The following ADGB variants were observed in gnomAD, a reference collection of about 807,000 sequenced individuals.
ADGB encodes androglobin, also known as calpain-7-like protein.
ADGB carries 172 observed loss-of-function variants against 210.5 expected under a neutral mutation model. That is an observed-to-expected ratio of 0.82 (90% CI 0.72 to 0.93). ADGB has a LOEUF of 0.93. ADGB is among the 40% of genes least tolerant of loss of function. ADGB has a pLI of 0.00. For synonymous variants in ADGB, 658 were observed against 662.7 expected (o/e 0.99, Z 0.11); for missense variants, 2,025 against 1,964.8 (o/e 1.03, Z -0.58).
At chr6:146,608,595 A>G (rs1410930226) in intron 1 of ADGB, among the ~76,000 whole-genome samples, 1 of 152,164 alleles carries the variant, frequency 6.6e-6, no homozygotes, top group Admixed American at 6.6e-5. Flanking sequence ...TTAGTTTCAA[A>G]GAATTTCTTG....
intron 9 of ADGB, among the ~76,000 whole-genome samples, chr6:146,681,253 TAA>T (rs1418778492): frequency 6.6e-6 from 1 of 152,026 alleles, no homozygotes; most frequent in Admixed American, 6.6e-5. Context: ...TCTGGTCGTT[TAA>T]AACTGTGTAA....
intron 25 of ADGB, among the ~76,000 whole-genome samples, chr6:146,741,689 A>T (rs1777166020): frequency 6.6e-6 from 1 of 152,164 alleles, no homozygotes; most frequent in South Asian, 2.1e-4. Context: ...TTACATAGCC[A>T]CCAACCATCA....
intron 18 of ADGB, chr6:146,724,643 T>C (rs1776868239): frequency 6.2e-6 from 1 of 160,492 alleles, no homozygotes; most frequent in East Asian, 1.7e-4. Flanking sequence ...ACACATAACA[T>C]TTATAATACT....
At chr6:146,618,528 T>A (rs940917276) in intron 1 of ADGB, among the ~76,000 whole-genome samples, 1 of 151,990 alleles carries the variant, frequency 6.6e-6, no homozygotes, top group African/African-American at 2.4e-5. Flanking sequence ...GAACTGCTTT[T>A]GTCATATCCT....
In ADGB at chr6:146,769,119, A is replaced by G; in HGVS notation, c.3850A>G (p.Ser1284Gly). Residue 1284 changes from serine to glycine, a missense_variant, in exon 29 of 36, where the codon AGT (serine) becomes GGT (glycine). Ser to Gly is a moderately conservative substitution (Grantham distance 56, BLOSUM62 0). Transcript: ENST00000397944. Reference protein sequence around the residue: ...FVQALKDLKKSNTKAYGERHE... With the variant: ...FVQALKDLKKGNTKAYGERHE... ...TCAAGCACTGAAAGACTTAAAGAAA[A>G]GTAATACCAAAGGTATGTCACCCTA... The G allele has an allele frequency of 1.3e-6, 2 of 1,516,354 alleles. No homozygotes were observed. The highest frequency in any genetic ancestry group is 1.8e-6 in the Non-Finnish European group (2 of 1,121,290). 93.9% of individuals were successfully genotyped at this position (1,516,354 alleles called of 1,614,324 possible). A position where few individuals can be genotyped will look rare whatever the true frequency, so the allele number is the denominator to read the frequency against.
chr6:146,809,131 G>C (rs1778260338), intron 35 of ADGB, among the ~76,000 whole-genome samples: 1 of 152,194 alleles, frequency 6.6e-6, no homozygotes, highest in Non-Finnish European at 1.5e-5. Flanking sequence ...GAGCCTAGGA[G>C]GGCTAGAAGC....
intron 27 of ADGB, among the ~76,000 whole-genome samples, chr6:146,754,747 C>T (rs1242544198): frequency 1.3e-5 from 2 of 151,740 alleles, no homozygotes; most frequent in African/African-American, 4.8e-5. Flanking sequence ...GATATATTTT[C>T]TACTTTGAGG....
intron 33 of ADGB, among the ~76,000 whole-genome samples, chr6:146,791,456 AC>A (rs1345435342): frequency 2.0e-5 from 3 of 151,742 alleles, no homozygotes; most frequent in Non-Finnish European, 4.4e-5. Flanking sequence ...TGATCTGCCC[AC>A]CTCAGTCTCC....
chr6:146,760,239 A>C (rs1279802586), intron 27 of ADGB, among the ~76,000 whole-genome samples: 4 of 151,858 alleles, frequency 2.6e-5, no homozygotes, highest in Non-Finnish European at 4.4e-5. Flanking sequence ...CCCAGAAGAT[A>C]CTTCAGGCCA....
intron 11 of ADGB, 59 bp from the exon 12 acceptor site, chr6:146,692,766 A>G (rs1356620118): frequency 7.9e-6 from 7 of 889,940 alleles, no homozygotes; most frequent in Admixed American, 5.2e-5. Flanking sequence ...TAAATTCTGT[A>G]TGCAATCCTG....
intron 35 of ADGB, chr6:146,803,303 G>T (rs1583647144): frequency 6.2e-7 from 1 of 1,606,996 alleles, no homozygotes; most frequent in Non-Finnish European, 8.5e-7. Flanking sequence ...TTGATGATGG[G>T]CTTTCTGTCT....
chr6:146,679,031 T>C (rs539188721), intron 9 of ADGB, among the ~76,000 whole-genome samples: 1 of 152,278 alleles, frequency 6.6e-6, no homozygotes, highest in African/African-American at 2.4e-5. Flanking sequence ...AGAAAAGAGC[T>C]TGGAGGATTG....
chr6:146,721,563 C>T (rs1299632108), intron 17 of ADGB, 58 bp downstream of exon 17: 47 of 282,144 alleles, frequency 1.7e-4, no homozygotes, highest in African/African-American at 2.4e-4. Context: ...CAGGCTAGGG[C>T]GTGGTGGCTC....
At chr6:146,730,696 C>G (rs1285027663) in intron 20 of ADGB, among the ~76,000 whole-genome samples, 2 of 152,112 alleles carry the variant, frequency 1.3e-5, no homozygotes, top group African/African-American at 4.8e-5. Context: ...AAAAACATTC[C>G]TGGGCTATTA....
intron 1 of ADGB, among the ~76,000 whole-genome samples, chr6:146,634,458 C>T (rs1775369515): frequency 6.6e-6 from 1 of 152,010 alleles, no homozygotes; most frequent in Admixed American, 6.6e-5. Context: ...TTGTCCCACC[C>T]ACTGTCTATA....
At chr6:146,600,368 G>A (rs1780536122) in intron 1 of ADGB, 1 of 265,104 alleles carries the variant, frequency 3.8e-6, no homozygotes, top group Admixed American at 3.7e-5. Flanking sequence ...AATCAGGCCT[G>A]TATTACTTCT....
intron 2 of ADGB, among the ~76,000 whole-genome samples, chr6:146,636,594 G>C (rs1489723010): frequency 6.6e-6 from 1 of 151,468 alleles, no homozygotes; most frequent in African/African-American, 2.4e-5. Context: ...TGGAGAGAGA[G>C]AAAGAGAGAG....
rs1232000807 is a variant in ADGB, at chr6:146,746,222, AT to A, written c.3365+115del. On this transcript the variant is annotated intron_variant, in intron 26 of 35. Transcript: ENST00000397944. ...GTCGGTTTTGAATTTCAAATTCCAT[AT>A]TCTTTTTGGAAACAATTAATTGAGT... 1.2e-4 allele frequency: 87 copies of A among 744,012 alleles called. No homozygotes were observed. The East Asian group carries it at 2.3e-3, about 20-fold the overall frequency. The allele number at this position is 744,012 out of a possible 1,614,324, so 46.1% of individuals were successfully genotyped here.
rs1228173667 is a variant in ADGB at position 146,647,410 on chromosome 6, T to G, written c.330+2545T>G. ...TTACAGAAAGCCCATTTAGATAACC[T>G]AGAAGTCAAACATGATGAAAAAAAG... On this transcript the variant is annotated intron_variant, in intron 3 of 35. Transcript: ENST00000397944. Among the ~76,000 whole-genome samples, 5 of 152,124 alleles carry G rather than the reference T, an allele frequency of 3.3e-5. No individual in the cohort carries two copies. The East Asian group carries it at 9.7e-4, about 29-fold the overall frequency.
Sources: gnomAD v4.1 joint callset for allele counts (sites outside exome capture counted in the v4.1 genomes callset) on GRCh38, gnomAD v4.1.1 for gene constraint, MANE v1.5 for transcripts, NCBI Gene and HGNC (gene_info 2026-07-23, HGNC 2026-07-21) for gene names.